CFAP47: variants seen among roughly 807,000 people sequenced by gnomAD.
CFAP47 encodes the protein cilia- and flagella-associated protein 47.
In CFAP47, 29 loss-of-function variants were observed where a neutral mutation model predicts 148.1. The observed-to-expected ratio is 0.20, with a 90% CI of 0.15 to 0.27. The LOEUF (loss-of-function observed/expected upper bound fraction) is 0.27. Among genes scored for constraint, CFAP47 ranks in the 10% least tolerant of loss-of-function variants. The pLI, the probability that CFAP47 is intolerant of heterozygous loss-of-function variation, is 1.00. For missense variants in CFAP47, 1,872 were observed against 1,697.5 expected (o/e 1.10, Z -1.81); for synonymous variants, 664 against 577.3 (o/e 1.15, Z -2.15).
chrX:36,172,119 G>C (rs1939589738), intron 39 of CFAP47, among the ~76,000 whole-genome samples: 2 of 106,671 alleles, frequency 1.9e-5, no homozygotes, highest in Non-Finnish European at 3.9e-5. Flanking sequence ...TGGTGTATAA[G>C]AATGCTTGTG....
At chrX:36,229,677 GT>G (rs1234135613) in intron 46 of CFAP47, among the ~76,000 whole-genome samples, 1 of 109,386 alleles carries the variant, frequency 9.1e-6, no homozygotes, top group East Asian at 2.9e-4. Context: ...AGTTACATAT[GT>G]ATACATGTGC....
At chrX:36,356,853 A>G (rs1368929707) in intron 60 of CFAP47, among the ~76,000 whole-genome samples, 3 of 112,011 alleles carry the variant, frequency 2.7e-5, no homozygotes, top group Non-Finnish European at 5.6e-5. Context: ...GTCTTCTCTC[A>G]TCTGAGTTTG....
intron 1 of CFAP47, among the ~76,000 whole-genome samples, chrX:35,924,302 T>C (rs762005018): frequency 1.3e-4 from 14 of 106,549 alleles, no homozygotes; most frequent in East Asian, 3.0e-4. Flanking sequence ...TGTGTACACA[T>C]ATGTATATAT....
intron 8 of CFAP47, among the ~76,000 whole-genome samples, 194 bp from the exon 9 acceptor site, chrX:35,966,371 T>C (rs1385739735): frequency 4.7e-5 from 5 of 105,543 alleles, no homozygotes; most frequent in Non-Finnish European, 9.7e-5. Flanking sequence ...TAATAATTTT[T>C]ATTAAAAAAT....
intron 29 of CFAP47, among the ~76,000 whole-genome samples, chrX:36,075,079 G>A (rs1029328271): frequency 6.3e-5 from 7 of 110,972 alleles, no homozygotes; most frequent in African/African-American, 2.3e-4. Flanking sequence ...ATAAACCTGG[G>A]AGTGATTATA....
chrX:36,105,148 T>A (rs945026828), intron 33 of CFAP47, among the ~76,000 whole-genome samples: 20 of 111,980 alleles, frequency 1.8e-4, no homozygotes, highest in African/African-American at 6.5e-4. Context: ...GGGTAGGTCA[T>A]ATTAGGTATT....
intron 39 of CFAP47, among the ~76,000 whole-genome samples, chrX:36,177,326 A>T (rs1939696608): frequency 8.9e-6 from 1 of 112,164 alleles, no homozygotes; most frequent in South Asian, 3.6e-4. Context: ...TGTGTGTCAA[A>T]TTTTATGATC....
Position 36,065,704 on chromosome X carries a change from G to C in CFAP47, c.4279G>C (p.Ala1427Pro). The C allele has an allele frequency of 8.4e-7, 1 of 1,188,390 alleles. No homozygotes were observed. The highest frequency in any genetic ancestry group is 1.1e-6 in the Non-Finnish European group (1 of 876,799). The part of the protein sequence containing the change: ...NCILTIYPYM[A>P]IHLDKQNIIL... ...CATTCTTACTATTTACCCATATATGGCAATTCATCTGGATAAGCAAAACAT... is the reference window on the plus strand; with the variant it reads ...CATTCTTACTATTTACCCATATATGCCAATTCATCTGGATAAGCAAAACAT... The change falls in exon 27 of 64, where the codon GCA (alanine) becomes CCA (proline). Residue 1427 changes from alanine (A) to proline (P), a missense_variant. By Grantham distance (27) the Ala-to-Pro change is conservative. Coordinates refer to ENST00000378653, the MANE Select transcript of CFAP47 (RefSeq NM_001304548.2).
At chrX:36,302,586 T>C (rs1306444693) in intron 53 of CFAP47, among the ~76,000 whole-genome samples, 1 of 111,979 alleles carries the variant, frequency 8.9e-6, no homozygotes, top group Non-Finnish European at 1.9e-5. Context: ...AAACTGTACA[T>C]AGATAAAATT....
At chrX:36,034,162 A>G (rs774938968) in intron 23 of CFAP47, among the ~76,000 whole-genome samples, 2 of 111,462 alleles carry the variant, frequency 1.8e-5, no homozygotes, top group East Asian at 5.7e-4. Flanking sequence ...ATTTTTTATT[A>G]TCTTCACGAT....
At chrX:36,286,006 T>C (rs1207022671) in intron 51 of CFAP47, among the ~76,000 whole-genome samples, 2 of 111,739 alleles carry the variant, frequency 1.8e-5, no homozygotes, top group East Asian at 5.6e-4. Flanking sequence ...TTAGTCTACA[T>C]GTTTGTTCAC....
chrX:36,331,789 G>A (rs1941567368), intron 57 of CFAP47, among the ~76,000 whole-genome samples: 1 of 111,606 alleles, frequency 9.0e-6, no homozygotes, highest in Non-Finnish European at 1.9e-5. Flanking sequence ...AACCTAAGCT[G>A]CTGCAACAGC....
At chrX:36,243,647 GTATATATA>G (rs58640112) in intron 48 of CFAP47, among the ~76,000 whole-genome samples, 1,425 of 64,086 alleles carry the variant, frequency 0.022, 29 homozygotes, top group East Asian at 0.061. Flanking sequence ...ATATGTGTGT[GTATATATA>G]TATATATATA....
intron 21 of CFAP47, among the ~76,000 whole-genome samples, 166 bp from the exon 22 acceptor site, chrX:36,014,608 A>G (rs1338029781): frequency 9.0e-6 from 1 of 111,231 alleles, no homozygotes; most frequent in East Asian, 2.8e-4. Context: ...TTATTTTTGA[A>G]CTCATTAAAA....
intron 60 of CFAP47, among the ~76,000 whole-genome samples, chrX:36,358,083 C>T (rs896513396): frequency 1.8e-5 from 2 of 111,405 alleles, no homozygotes; most frequent in Admixed American, 1.9e-4. Flanking sequence ...TCATATTGAC[C>T]TCCTGTCCTT....
At chrX:35,934,325 C>G (rs1249594992) in intron 2 of CFAP47, among the ~76,000 whole-genome samples, 1 of 110,934 alleles carries the variant, frequency 9.0e-6, no homozygotes, top group African/African-American at 3.3e-5. Context: ...GGCGCCTCAC[C>G]CTATGGCCGC....
intron 16 of CFAP47, among the ~76,000 whole-genome samples, chrX:35,990,824 T>C (rs1936780870): frequency 9.0e-6 from 1 of 111,581 alleles, no homozygotes; most frequent in Non-Finnish European, 1.9e-5. Flanking sequence ...TCCTTTCTCT[T>C]AAGCACTCCA....
intron 49 of CFAP47, among the ~76,000 whole-genome samples, chrX:36,278,627 A>C (rs1285252935): frequency 8.9e-6 from 1 of 112,271 alleles, no homozygotes; most frequent in Non-Finnish European, 1.9e-5. Context: ...AGTGAGATGA[A>C]CCAGGTACTT....
intron 19 of CFAP47, 51 bp from the exon 20 acceptor site, chrX:36,000,232 A>G (rs1936898117): frequency 3.6e-6 from 1 of 277,630 alleles, no homozygotes; most frequent in Non-Finnish European, 6.3e-6. Flanking sequence ...TTTAGTTTAC[A>G]TTTTCATAAA....
Sources: gnomAD v4.1 joint callset for allele counts (sites outside exome capture counted in the v4.1 genomes callset) on GRCh38, gnomAD v4.1.1 for gene constraint, MANE v1.5 for transcripts, NCBI Gene and HGNC (gene_info 2026-07-23, HGNC 2026-07-21) for gene names.